The following GLRA2 variants were observed in gnomAD, a reference collection of about 807,000 sequenced individuals.
GLRA2 encodes glycine receptor alpha 2, also known as glycine receptor subunit alpha-2.
Under a neutral mutation model 31.6 loss-of-function variants are expected in GLRA2, and 11 were observed. The observed-to-expected ratio is 0.35, with a 90% CI of 0.22 to 0.58. GLRA2 has a LOEUF of 0.58. Among genes scored for constraint, GLRA2 ranks in the 20% least tolerant of loss-of-function variants. GLRA2 has a pLI of 0.84. For synonymous variants in GLRA2, 132 were observed against 134.0 expected, an observed-to-expected ratio of 0.99 and a Z score of 0.10; for missense variants, 212 against 351.8, an observed-to-expected ratio of 0.60 and a Z score of 3.18.
At chrX:14,613,490 TA>T (rs202171753) in intron 7 of GLRA2, among the ~76,000 whole-genome samples, 2,990 of 110,769 alleles carry the variant, frequency 0.027, 99 homozygotes, top group African/African-American at 0.088. Flanking sequence ...AAAACAACAA[TA>T]AAAAAAATAA....
chrX:14,613,012 T>C (rs1264596585), intron 7 of GLRA2, among the ~76,000 whole-genome samples: 1 of 111,175 alleles, frequency 9.0e-6, no homozygotes, highest in Admixed American at 9.6e-5. Flanking sequence ...TTTTGAAACA[T>C]AGGCCTTGAT....
intron 4 of GLRA2, among the ~76,000 whole-genome samples, chrX:14,599,267 G>A (rs2090241509): frequency 8.9e-6 from 1 of 112,212 alleles, no homozygotes; most frequent in Admixed American, 9.4e-5. Flanking sequence ...AAGGAAGAGG[G>A]GCAGCCTCAG....
the GLRA2 span, among the ~76,000 whole-genome samples, chrX:14,490,271 C>T: frequency 3.6e-5 from 4 of 112,111 alleles, no homozygotes; most frequent in African/African-American, 1.3e-4. Flanking sequence ...CCAACATTAT[C>T]TGTTCTTCAG....
intron 4 of GLRA2, among the ~76,000 whole-genome samples, chrX:14,601,779 T>A (rs2090278044): frequency 9.0e-6 from 1 of 111,155 alleles, no homozygotes; most frequent in South Asian, 3.7e-4. Flanking sequence ...TTTACTTGAA[T>A]AGATTGTAAA....
intron 2 of GLRA2, among the ~76,000 whole-genome samples, chrX:14,564,891 A>G (rs1353844942): frequency 3.6e-5 from 4 of 111,636 alleles, no homozygotes; most frequent in Non-Finnish European, 5.7e-5. Flanking sequence ...CAAAGAAAAT[A>G]TGTGAAAAGT....
chrX:14,672,287 G>T (rs1231373954), intron 7 of GLRA2, among the ~76,000 whole-genome samples: 1 of 112,474 alleles, frequency 8.9e-6, no homozygotes, highest in East Asian at 2.8e-4. Context: ...TTCTGAAGCA[G>T]ATGTATGCAA....
At chrX:14,493,380 A>G in the GLRA2 span, among the ~76,000 whole-genome samples, 1 of 108,840 alleles carries the variant, frequency 9.2e-6, no homozygotes, top group Non-Finnish European at 1.9e-5. Flanking sequence ...TGAACCTCAA[A>G]TACTTATGTG....
At chrX:14,618,779 G>C (rs1389004630) in intron 7 of GLRA2, among the ~76,000 whole-genome samples, 1 of 111,528 alleles carries the variant, frequency 9.0e-6, no homozygotes, top group Non-Finnish European at 1.9e-5. Context: ...TGCAGCAGTA[G>C]AGATGAGGCC....
At chrX:14,677,658 T>G (rs2091158452) in intron 7 of GLRA2, among the ~76,000 whole-genome samples, 1 of 111,958 alleles carries the variant, frequency 8.9e-6, no homozygotes, top group South Asian at 3.7e-4. Context: ...TATTAACATT[T>G]GGGACTGGGT....
intron 3 of GLRA2, among the ~76,000 whole-genome samples, chrX:14,580,310 A>G (rs1162351835): frequency 8.9e-6 from 1 of 112,774 alleles, no homozygotes; most frequent in Non-Finnish European, 1.9e-5. Flanking sequence ...GCAATAGTGG[A>G]TAACTACTAG....
chrX:14,503,194 A>G, the GLRA2 span, among the ~76,000 whole-genome samples: 1 of 111,725 alleles, frequency 9.0e-6, no homozygotes. Flanking sequence ...AGGGCACACT[A>G]CAGAACAAGG....
intron 8 of GLRA2, among the ~76,000 whole-genome samples, chrX:14,718,468 C>T (rs945325742): frequency 8.9e-6 from 1 of 112,095 alleles, no homozygotes; most frequent in Non-Finnish European, 1.9e-5. Flanking sequence ...CTGAATAAAC[C>T]ACTTCAAACT....
At chrX:14,612,833 G>A (rs954848955) in intron 7 of GLRA2, among the ~76,000 whole-genome samples, 1 of 99,691 alleles carries the variant, frequency 1.0e-5, no homozygotes, top group Non-Finnish European at 2.0e-5. Context: ...GGAGGGTGGG[G>A]GGGCTAGGGG....
intron 7 of GLRA2, among the ~76,000 whole-genome samples, chrX:14,634,608 T>A (rs921904404): frequency 7.2e-5 from 8 of 111,721 alleles, no homozygotes; most frequent in African/African-American, 2.6e-4. Flanking sequence ...ATTCTCATTG[T>A]TTCTAGCACA....
upstream of GLRA2, among the ~76,000 whole-genome samples, chrX:14,524,309 C>T (rs2089180823): frequency 8.9e-6 from 1 of 111,867 alleles, no homozygotes; most frequent in Admixed American, 9.5e-5. Flanking sequence ...GGCCATGCAT[C>T]CTCATGCCAG....
chrX:14,456,133 C>A, the GLRA2 span, among the ~76,000 whole-genome samples: 1 of 111,467 alleles, frequency 9.0e-6, no homozygotes, highest in Non-Finnish European at 1.9e-5. Context: ...AAGAAAGAAT[C>A]TTGAGAATTT....
At chrX:14,690,378 A>G (rs1190071736) in intron 7 of GLRA2, among the ~76,000 whole-genome samples, 5 of 111,758 alleles carry the variant, frequency 4.5e-5, no homozygotes, top group Non-Finnish European at 9.4e-5. Context: ...AAATTGAGCT[A>G]CTTAACATAT....
intron 7 of GLRA2, among the ~76,000 whole-genome samples, chrX:14,631,016 G>A (rs2090639182): frequency 9.1e-6 from 1 of 110,239 alleles, no homozygotes; most frequent in Admixed American, 9.7e-5. Flanking sequence ...CATGAGGGTG[G>A]AGTCCTCATT....
intron 8 of GLRA2, among the ~76,000 whole-genome samples, chrX:14,698,603 G>A (rs1472798097): frequency 2.0e-5 from 2 of 102,206 alleles, no homozygotes; most frequent in South Asian, 4.7e-4. Flanking sequence ...ACTTGAACCC[G>A]GGAGGTGGAG....
Sources: gnomAD v4.1 joint callset for allele counts (sites outside exome capture counted in the v4.1 genomes callset) on GRCh38, gnomAD v4.1.1 for gene constraint, MANE v1.5 for transcripts, NCBI Gene and HGNC (gene_info 2026-07-23, HGNC 2026-07-21) for gene names.